The following PHACTR3 variants were observed in gnomAD, a reference collection of about 807,000 sequenced individuals.
The protein encoded by PHACTR3 is protein phosphatase 1, regulatory subunit 123.
In PHACTR3, 16 loss-of-function variants were observed where a neutral mutation model predicts 66.8. That is an observed-to-expected ratio of 0.24 (90% confidence interval 0.16 to 0.36). The LOEUF (loss-of-function observed/expected upper bound fraction) is 0.36, where lower values mean the gene tolerates loss of function less well. Ranked by LOEUF, PHACTR3 falls within the 10% of genes least tolerant of loss-of-function variation. PHACTR3 has a pLI of 1.00. For missense variants in PHACTR3, 647 were observed against 719.9 expected, an observed-to-expected ratio of 0.90 and a Z score of 1.16; for synonymous variants, 323 against 292.1, an observed-to-expected ratio of 1.11 and a Z score of -1.08.
intron 1 of PHACTR3, among the ~76,000 whole-genome samples, chr20:59,709,560 C>T (rs1463947651): frequency 1.3e-5 from 2 of 152,188 alleles, no homozygotes; most frequent in African/African-American, 4.8e-5. Flanking sequence ...TGCATAGACA[C>T]TTTCCCAGAA....
At chr20:59,752,866 C>T (rs1223317824) in intron 3 of PHACTR3, among the ~76,000 whole-genome samples, 1 of 151,466 alleles carries the variant, frequency 6.6e-6, no homozygotes, top group Non-Finnish European at 1.5e-5. Flanking sequence ...CTGGCAGAGC[C>T]CTGTGCTCCC....
At chr20:59,685,798 C>T (rs1291291519) in intron 1 of PHACTR3, among the ~76,000 whole-genome samples, 6 of 152,312 alleles carry the variant, frequency 3.9e-5, no homozygotes, top group South Asian at 2.1e-4. Context: ...GTGGCTTCCC[C>T]GCCTCACATT....
chr20:59,579,979 G>A (rs76412730), intron 1 of PHACTR3, among the ~76,000 whole-genome samples: 2,025 of 152,190 alleles, frequency 0.013, 30 homozygotes, highest in African/African-American at 0.044. Flanking sequence ...GAGGAAGCGC[G>A]CATTCCGTGC....
chr20:59,739,851 G>A (rs980906671), intron 1 of PHACTR3, among the ~76,000 whole-genome samples: 1 of 151,860 alleles, frequency 6.6e-6, no homozygotes, highest in African/African-American at 2.4e-5. Flanking sequence ...TTCTGCTTTG[G>A]GTCCCCTCGA....
chr20:59,707,922 T>G (rs1174283857), intron 1 of PHACTR3, among the ~76,000 whole-genome samples: 1 of 152,218 alleles, frequency 6.6e-6, no homozygotes, highest in African/African-American at 2.4e-5. Context: ...TCTTTATAAA[T>G]TACCCATTCT....
intron 7 of PHACTR3, among the ~76,000 whole-genome samples, chr20:59,777,560 G>A (rs2040581987): frequency 6.6e-6 from 1 of 152,114 alleles, no homozygotes; most frequent in African/African-American, 2.4e-5. Flanking sequence ...TTTCCTTGTT[G>A]TCAGACGAAG....
chr20:59,673,884 G>A (rs1317783104), intron 1 of PHACTR3, among the ~76,000 whole-genome samples: 2 of 152,176 alleles, frequency 1.3e-5, no homozygotes, highest in Non-Finnish European at 1.5e-5. Context: ...CACCTGACCT[G>A]CACAGTGGAA....
intron 7 of PHACTR3, among the ~76,000 whole-genome samples, chr20:59,798,465 T>C (rs1303293919): frequency 6.6e-6 from 1 of 152,224 alleles, no homozygotes; most frequent in Non-Finnish European, 1.5e-5. Context: ...GTAGAACTCA[T>C]CAGTGCATGT....
At chr20:59,725,818 T>G (rs2038540946) in intron 1 of PHACTR3, among the ~76,000 whole-genome samples, 1 of 152,170 alleles carries the variant, frequency 6.6e-6, no homozygotes, top group Non-Finnish European at 1.5e-5. Context: ...GGCTCTCGGC[T>G]CTGTGCAGGA....
chr20:59,805,745 G>T (rs2077286527), intron 7 of PHACTR3, among the ~76,000 whole-genome samples: 1 of 152,172 alleles, frequency 6.6e-6, no homozygotes, highest in Non-Finnish European at 1.5e-5. Context: ...GAAAAATGTA[G>T]GTGCTATTAG....
chr20:59,821,052 T>G (rs1484911318), intron 8 of PHACTR3, among the ~76,000 whole-genome samples: 1 of 152,194 alleles, frequency 6.6e-6, no homozygotes, highest in Non-Finnish European at 1.5e-5. Context: ...CTCACTAACA[T>G]GTATGAAACC....
intron 1 of PHACTR3, among the ~76,000 whole-genome samples, chr20:59,686,854 ATGATGATGGTGG>A (rs1177294991): frequency 7.3e-6 from 1 of 137,026 alleles, no homozygotes; most frequent in African/African-American, 2.6e-5. Context: ...GATGATGGTG[ATGATGATGGTGG>A]TGATTGTGAT....
At chr20:59,582,880 G>A (rs1352837765) in intron 1 of PHACTR3, among the ~76,000 whole-genome samples, 2 of 152,134 alleles carry the variant, frequency 1.3e-5, no homozygotes, top group Non-Finnish European at 2.9e-5. Context: ...TGTTTATGGT[G>A]TCCTTGGTTG....
intron 1 of PHACTR3, among the ~76,000 whole-genome samples, chr20:59,669,691 A>G (rs2036125444): frequency 6.6e-6 from 1 of 152,134 alleles, no homozygotes; most frequent in South Asian, 2.1e-4. Flanking sequence ...AGATTTGCCT[A>G]TTCTGGACAC....
intron 8 of PHACTR3, among the ~76,000 whole-genome samples, chr20:59,808,690 A>T (rs1306066630): frequency 1.3e-5 from 2 of 152,190 alleles, no homozygotes; most frequent in Non-Finnish European, 2.9e-5. Context: ...GACCCTGGGA[A>T]AATGCAGGTT....
At chr20:59,790,880 C>G (rs779982649) in intron 7 of PHACTR3, among the ~76,000 whole-genome samples, 3 of 151,856 alleles carry the variant, frequency 2.0e-5, no homozygotes, top group African/African-American at 7.3e-5. Context: ...TTGTTTGCAA[C>G]GAGCATACAT....
chr20:59,746,300 C>T (rs1481497784), intron 2 of PHACTR3, among the ~76,000 whole-genome samples: 1 of 152,234 alleles, frequency 6.6e-6, no homozygotes, highest in East Asian at 1.9e-4. Flanking sequence ...TCCCCCGCCC[C>T]AGGCCTGACT....
At chr20:59,771,220 C>T (rs1319161731) in intron 5 of PHACTR3, among the ~76,000 whole-genome samples, 1 of 152,138 alleles carries the variant, frequency 6.6e-6, no homozygotes, top group African/African-American at 2.4e-5. Context: ...CTAGTGATTC[C>T]TTCCTCATGG....
rs2059059656 is a variant in PHACTR3 at position 59,841,485 on chromosome 20, T to C, written c.1537T>C (p.Tyr513His). Reference sequence around the variant, plus strand: ...CGTGGAAGTAGCAAAAGCGCAGGACTATGACAGGAGGGCAGACAAACCCTG... The same window carrying C: ...CGTGGAAGTAGCAAAAGCGCAGGACCATGACAGGAGGGCAGACAAACCCTG... Reference protein sequence around the residue: ...DYVEVAKAQDYDRRADKPWTR... With the variant: ...DYVEVAKAQDHDRRADKPWTR... The change falls in exon 11 of 13, where the codon TAT becomes CAT. Residue 513 changes from tyrosine (Y) to histidine (H), a missense_variant. This residue lies in a region of PHACTR3 where 70 missense variants were observed against 148.8 expected (regional missense o/e 0.47). Coordinates refer to ENST00000371015, the MANE Select transcript of PHACTR3 (RefSeq NM_080672.5). The C allele has an allele frequency of 6.2e-7, 1 of 1,613,452 alleles. No homozygotes were observed. Among genetic ancestry groups the C allele is most frequent in the African/African-American group, 1.3e-5 (1 of 74,882 alleles).
Sources: allele counts gnomAD v4.1 joint callset (sites outside exome capture counted in the v4.1 genomes callset), GRCh38; gene constraint gnomAD v4.1.1; regional missense constraint gnomAD v4.1.1; transcripts MANE v1.5; gene names NCBI Gene and HGNC (gene_info 2026-07-23, HGNC 2026-07-21).